CFAP46: variants seen among roughly 807,000 people sequenced by gnomAD.
CFAP46 encodes cilia and flagella associated protein 46, also known as cilia- and flagella-associated protein 46.
Under a neutral mutation model 325.7 loss-of-function variants are expected in CFAP46, and 245 were observed. The ratio of observed to expected loss-of-function variants is 0.75; its 90% CI spans 0.68 to 0.84. The LOEUF (loss-of-function observed/expected upper bound fraction) is 0.84. Ranked by LOEUF, CFAP46 falls within the 40% of genes least tolerant of loss-of-function variation. CFAP46 has a pLI of 0.00. For synonymous variants in CFAP46, 1,523 were observed against 1,495.9 expected (o/e 1.02, Z -0.42); for missense variants, 3,346 against 3,543.0 (o/e 0.94, Z 1.41).
chr10:132,824,387 C>T (rs1591036866), intron 50 of CFAP46, among the ~76,000 whole-genome samples: 10 of 115,780 alleles, frequency 8.6e-5, no homozygotes, highest in Non-Finnish European at 1.5e-4. Flanking sequence ...CTGATGTGTG[C>T]TGTGTGTGCT....
At chr10:132,909,366 C>T (rs551196166) in intron 20 of CFAP46, 122 bp from the exon 21 acceptor site, 11 of 701,366 alleles carry the variant, frequency 1.6e-5, no homozygotes, top group African/African-American at 7.0e-5. Context: ...AAATTGGGAG[C>T]GTTTATACCT....
At position 132,847,229 on chromosome 10, in the gene CFAP46, C is replaced by G; in HGVS notation, c.6045G>C (p.Arg2015Ser). Reference protein sequence around the residue: ...TKSSRDPPASRAAPEEHCRRG... With the variant: ...TKSSRDPPASSAAPEEHCRRG... ...TCCTGCAGTGCTCCTCCGGGGCTGC[C>G]CTGGAGGCCGGCGGGTCCCTGCTGG... Residue 2015 changes from arginine (R) to serine (S), a missense_variant, in exon 42 of 58, where the codon AGG becomes AGC. Coordinates refer to ENST00000368586, the MANE Select transcript of CFAP46 (RefSeq NM_001200049.3). The surrounding 1 kb of genome is among the most constrained non-coding windows in gnomAD (Gnocchi z 5.2). 1 of 1,613,206 alleles carries G rather than the reference C, an allele frequency of 6.2e-7. No homozygotes were observed. The highest frequency in any genetic ancestry group is 1.1e-5 in the South Asian group (1 of 91,078).
chr10:132,850,669 T>C (rs1193212289), intron 40 of CFAP46, among the ~76,000 whole-genome samples: 2 of 152,170 alleles, frequency 1.3e-5, no homozygotes, highest in Non-Finnish European at 2.9e-5. Context: ...CCGTCTTTGG[T>C]CCATTTATAC....
At position 132,808,418 on chromosome 10, in the gene CFAP46, C is replaced by G. The variant is rs757139809; in HGVS notation, c.*3G>C. 1.3e-6 allele frequency: 2 copies of G among 1,597,474 alleles called. No individual in the cohort carries two copies. The highest frequency in any genetic ancestry group is 1.7e-6 in the Non-Finnish European group (2 of 1,167,626). ...GGCTTTTGTTGTTTGTTTAGTGGAA[C>G]ACTCAAATCAAAAACAGGCTCACGG... On this transcript the variant is annotated 3_prime_UTR_variant, in exon 58 of 58. Transcript: ENST00000368586. The surrounding 1 kb of genome is among the most constrained non-coding windows in gnomAD (Gnocchi z 6.8).
intron 22 of CFAP46, among the ~76,000 whole-genome samples, chr10:132,905,164 C>G (rs1456125356): frequency 6.9e-6 from 1 of 144,746 alleles, no homozygotes; most frequent in Non-Finnish European, 1.5e-5. Context: ...ATGCTTCTTT[C>G]TTTGTCAACA....
In CFAP46 at chr10:132,908,457, G is replaced by A. The variant is rs1849491274; in HGVS notation, c.2924+11C>T. On this transcript the variant is annotated intron_variant, in intron 22 of 57. Coordinates refer to ENST00000368586, the MANE Select transcript of CFAP46 (RefSeq NM_001200049.3). ...TTTGAGGGAATTTGTCCAGTCATGA[G>A]GGTTACTTACGGCCCAAATTTCTTC... The A allele has an allele frequency of 6.4e-7, 1 of 1,550,430 alleles. No individual in the cohort carries two copies. Among genetic ancestry groups the A allele is most frequent in the Non-Finnish European group, 8.7e-7 (1 of 1,146,934 alleles).
At position 132,851,875 on chromosome 10, in the gene CFAP46, C is replaced by T. The variant is rs998359813; in HGVS notation, c.5575-570G>A. On this transcript the variant is annotated intron_variant, in intron 39 of 57. Transcript: ENST00000368586. ...ATGTTCCTCCATTTACTTAGGAATT[C>T]TCAGATCCTGATCCACAGACGTGGT... is the stretch of plus-strand genomic sequence containing the variant. 7.4e-4 allele frequency among the ~76,000 whole-genome samples: 102 copies of T among 137,918 alleles called. 1 individual carries two copies. Among genetic ancestry groups the T allele is most frequent in the African/African-American group, 2.6e-3 (96 of 36,752 alleles). 90.5% of individuals were successfully genotyped at this position (137,918 alleles called of 152,430 possible). A position where few individuals can be genotyped will look rare whatever the true frequency, so the allele number is the denominator to read the frequency against.
chr10:132,872,783 C>T lies in CFAP46; in HGVS notation c.4404G>A (p.Leu1468=). 1 of 1,551,108 alleles carries T rather than the reference C, an allele frequency of 6.4e-7. No homozygotes were observed. The highest frequency in any genetic ancestry group is 8.7e-7 in the Non-Finnish European group (1 of 1,147,112). ...TGAGTTCGTGCAGGCACATCTTCTG[C>T]AGGGCCTTGACCAGGTGGTCCAGGA... ...LYFLDHLVKA[L]QKMCLHELTV... Residue 1468 remains leucine (L), a synonymous_variant, in exon 32 of 58, where the codon CTG becomes CTA. Transcript: ENST00000368586.
At chr10:132,918,311 T>C (rs1591090475) in intron 16 of CFAP46, 82 bp downstream of exon 16, 2 of 787,550 alleles carry the variant, frequency 2.5e-6, no homozygotes, top group South Asian at 8.2e-5. Flanking sequence ...AACGCCCCTC[T>C]CCACGACGCA....
At chr10:132,841,814 TC>T (rs1848349206) in intron 44 of CFAP46, among the ~76,000 whole-genome samples, 1 of 152,120 alleles carries the variant, frequency 6.6e-6, no homozygotes, top group Admixed American at 6.5e-5. Flanking sequence ...GGGAGCATGG[TC>T]CCCAGCAGGC....
At chr10:132,937,531 A>G (rs754746553) in intron 6 of CFAP46, 21 bp downstream of exon 6, 2 of 1,612,850 alleles carry the variant, frequency 1.2e-6, no homozygotes, top group East Asian at 2.2e-5. Flanking sequence ...TTACGTCTCT[A>G]TTTCTAATAC....
In CFAP46 at chr10:132,867,426, C is replaced by T. The variant is rs1224461009; in HGVS notation, c.4692G>A (p.Gln1564=). Residue 1564 remains glutamine (Q), a synonymous_variant, in exon 34 of 58, where the codon CAG becomes CAA. Transcript: ENST00000368586. ...LEESLPALNE[Q]TLPVQPGEIK... ...TCTCCCCAGGCTGGACAGGAAGTGTCTGCTCATTCAGTGCTGGCAGGCTTT... is the reference window on the plus strand; with the variant it reads ...TCTCCCCAGGCTGGACAGGAAGTGTTTGCTCATTCAGTGCTGGCAGGCTTT... 6.4e-7 allele frequency: 1 copy of T among 1,550,612 alleles called. No individual in the cohort carries two copies.
chr10:132,868,970 G>A (rs1057194643), intron 33 of CFAP46, among the ~76,000 whole-genome samples: 3 of 152,178 alleles, frequency 2.0e-5, no homozygotes, highest in South Asian at 4.1e-4. Flanking sequence ...AGGACCCGGC[G>A]CCCAGCACCC....
chr10:132,829,355 ATAGT>A (rs1353445882), intron 50 of CFAP46, among the ~76,000 whole-genome samples: 5 of 152,136 alleles, frequency 3.3e-5, no homozygotes, highest in South Asian at 4.1e-4. Context: ...TTAATTTCTG[ATAGT>A]TAGTTATATA....
intron 22 of CFAP46, among the ~76,000 whole-genome samples, chr10:132,905,450 CT>C (rs71013581): frequency 0.038 from 4,875 of 129,970 alleles, 106 homozygotes; most frequent in African/African-American, 0.079. Flanking sequence ...CATATCTTTC[CT>C]TTTTTTTTTT....
rs1250168423 is a variant in CFAP46, at chr10:132,899,620, T to G, written c.2971A>C (p.Ile991Leu). The G allele has an allele frequency of 1.3e-6, 2 of 1,550,264 alleles. No homozygotes were observed. The highest frequency in any genetic ancestry group is 3.9e-5 in the Admixed American group (2 of 51,000). Residue 991 changes from isoleucine (I) to leucine (L), a missense_variant, in exon 23 of 58, where the codon ATC becomes CTC. Coordinates refer to ENST00000368586, the MANE Select transcript of CFAP46 (RefSeq NM_001200049.3). ...VAEMLCTATA[I>L]QGRSIMENLK... is the part of the protein sequence containing the mutation. ...TTTTCCATGATGCTCCTGCCCTGGA[T>G]GGCCGTGGCTGTGCACAGCATCTCT...
At chr10:132,840,933 A>G (rs536685773) in intron 44 of CFAP46, among the ~76,000 whole-genome samples, 63 of 152,314 alleles carry the variant, frequency 4.1e-4, no homozygotes, top group African/African-American at 1.4e-3. Context: ...GGCACAGGGC[A>G]TTCCGTGGCG....
chr10:132,822,340 T>TGGTGATGTGTGCTGTGTGTGC (rs1565036166), intron 50 of CFAP46, among the ~76,000 whole-genome samples: 34 of 132,620 alleles, frequency 2.6e-4, no homozygotes, highest in African/African-American at 8.0e-4. Context: ...GCTGTGTGTG[T>TGGTGATGTGTGCTGTGTGTGC]GGTGATGTGT....
chr10:132,927,501 G>A (rs780406329), intron 9 of CFAP46, among the ~76,000 whole-genome samples: 1 of 152,214 alleles, frequency 6.6e-6, no homozygotes, highest in Non-Finnish European at 1.5e-5. Context: ...TGCATGTCTG[G>A]GCCTCGGTGC....
Sources: gnomAD v4.1 joint callset for allele counts (sites outside exome capture counted in the v4.1 genomes callset) on GRCh38, gnomAD v4.1.1 for gene constraint, Gnocchi (gnomAD v3.1) non-coding constraint, MANE v1.5 for transcripts, NCBI Gene and HGNC (gene_info 2026-07-23, HGNC 2026-07-21) for gene names.